Variants in EYS observed in about 807,000 individuals in gnomAD.
EYS encodes the protein protein eyes shut homolog.
EYS carries 250 observed loss-of-function variants against 282.1 expected under a neutral mutation model. The observed-to-expected ratio is 0.89, with a 90% CI of 0.80 to 0.98. EYS has a LOEUF of 0.98. Among genes scored for constraint, EYS ranks in the 50% least tolerant of loss-of-function variants. The probability of loss-of-function intolerance (pLI) is 0.00; values close to 1 mark genes in which losing one functional copy is unlikely to be tolerated. For synonymous variants in EYS, 1,355 were observed against 1,282.9 expected (o/e 1.06, Z -1.20); for missense variants, 4,016 against 3,709.0 (o/e 1.08, Z -2.15).
intron 12 of EYS, among the ~76,000 whole-genome samples, chr6:65,140,609 A>G (rs1764304256): frequency 6.6e-6 from 1 of 151,228 alleles, no homozygotes; most frequent in Admixed American, 6.6e-5. Context: ...AAGGGCTAAT[A>G]TCCAGAATCT....
At chr6:63,877,834 T>A (rs917450827) in intron 35 of EYS, among the ~76,000 whole-genome samples, 5 of 152,190 alleles carry the variant, frequency 3.3e-5, no homozygotes, top group African/African-American at 1.2e-4. Flanking sequence ...TCAATTAAGG[T>A]CTTCTCTACA....
At chr6:65,367,536 C>A (rs1764961303) in intron 8 of EYS, among the ~76,000 whole-genome samples, 1 of 151,516 alleles carries the variant, frequency 6.6e-6, no homozygotes, top group South Asian at 2.1e-4. Flanking sequence ...AATGTTTTAA[C>A]TATTCACAAG....
At chr6:65,398,650 C>T (rs1766379904) in intron 7 of EYS, among the ~76,000 whole-genome samples, 1 of 151,976 alleles carries the variant, frequency 6.6e-6, no homozygotes, top group Admixed American at 6.6e-5. Flanking sequence ...GGTTTCTGCA[C>T]AGCAAGTTTC....
At chr6:64,357,385 T>C (rs571110822) in intron 29 of EYS, among the ~76,000 whole-genome samples, 4 of 151,760 alleles carry the variant, frequency 2.6e-5, no homozygotes, top group African/African-American at 9.6e-5. Context: ...AGTTGATAGA[T>C]GACAAGTGAT....
At chr6:64,136,816 T>A (rs1014686160) in intron 31 of EYS, among the ~76,000 whole-genome samples, 4 of 152,150 alleles carry the variant, frequency 2.6e-5, no homozygotes, top group African/African-American at 4.8e-5. Flanking sequence ...AGATTTAATA[T>A]AACTCTTAAG....
intron 30 of EYS, among the ~76,000 whole-genome samples, chr6:64,268,082 AT>A (rs965394817): frequency 5.9e-5 from 9 of 151,530 alleles, no homozygotes; most frequent in South Asian, 4.2e-4. Context: ...TAATCACAGC[AT>A]TTTTTTTTCC....
intron 28 of EYS, among the ~76,000 whole-genome samples, chr6:64,396,813 T>C (rs902557450): frequency 6.6e-6 from 1 of 152,126 alleles, no homozygotes; most frequent in African/African-American, 2.4e-5. Context: ...GTCTTAAGAC[T>C]TACTCTAAAA....
chr6:65,654,999 AAAT>A (rs917047012), intron 1 of EYS, among the ~76,000 whole-genome samples: 4 of 149,434 alleles, frequency 2.7e-5, no homozygotes, highest in Admixed American at 6.7e-5. Context: ...AAAAAAAAAA[AAAT>A]GTTTGTCCAA....
intron 35 of EYS, among the ~76,000 whole-genome samples, chr6:63,918,467 G>A (rs995263191): frequency 6.6e-6 from 1 of 152,152 alleles, no homozygotes; most frequent in Non-Finnish European, 1.5e-5. Context: ...TAGACATTGT[G>A]TTACATGCTA....
chr6:65,332,665 GTTCTC>G (rs764512430), intron 11 of EYS, among the ~76,000 whole-genome samples: 10 of 151,356 alleles, frequency 6.6e-5, no homozygotes, highest in African/African-American at 2.2e-4. Context: ...GTTGGGAAAT[GTTCTC>G]TTCTCTTCTA....
At chr6:63,929,881 T>C (rs969898811) in intron 35 of EYS, among the ~76,000 whole-genome samples, 7 of 152,216 alleles carry the variant, frequency 4.6e-5, no homozygotes, top group Non-Finnish European at 8.8e-5. Context: ...GTTTAGTTCA[T>C]TTAAACTACT....
intron 22 of EYS, among the ~76,000 whole-genome samples, chr6:64,645,677 A>G (rs778490911): frequency 1.3e-5 from 2 of 148,470 alleles, no homozygotes; most frequent in Non-Finnish European, 3.0e-5. Flanking sequence ...CTTTTTAAAG[A>G]TGAATGTAAA....
chr6:64,224,496 A>G (rs1423698437), intron 31 of EYS, among the ~76,000 whole-genome samples: 1 of 152,094 alleles, frequency 6.6e-6, no homozygotes, highest in Non-Finnish European at 1.5e-5. Context: ...AGTCGATTCC[A>G]TATGTGCCCT....
chr6:64,021,933 C>A (rs989603978), intron 33 of EYS, among the ~76,000 whole-genome samples: 4 of 152,162 alleles, frequency 2.6e-5, no homozygotes, highest in African/African-American at 4.8e-5. Flanking sequence ...TGATACAAAG[C>A]GTTTCCCCAT....
intron 29 of EYS, among the ~76,000 whole-genome samples, chr6:64,357,838 T>A (rs1270281393): frequency 6.6e-6 from 1 of 151,538 alleles, no homozygotes. Flanking sequence ...CAGGTCAGAT[T>A]TTGCCCAAGA....
intron 11 of EYS, among the ~76,000 whole-genome samples, chr6:65,334,410 G>A (rs1182096270): frequency 6.6e-6 from 1 of 151,384 alleles, no homozygotes; most frequent in Non-Finnish European, 1.5e-5. Context: ...TAGGAGTACA[G>A]GTGTGCACAA....
chr6:64,757,930 G>A (rs1020024096), intron 22 of EYS, among the ~76,000 whole-genome samples: 41 of 152,012 alleles, frequency 2.7e-4, no homozygotes, highest in African/African-American at 7.7e-4. Context: ...GACTACAGGC[G>A]CCCGCCTAAG....
At chr6:63,841,760 G>A (rs577785824) in intron 36 of EYS, among the ~76,000 whole-genome samples, 125 of 151,820 alleles carry the variant, frequency 8.2e-4, no homozygotes, top group African/African-American at 2.9e-3. Flanking sequence ...CCCTCCCTTT[G>A]CCCCCCGCCA....
At chr6:65,509,622 G>A (rs1766788817) in intron 2 of EYS, among the ~76,000 whole-genome samples, 1 of 151,924 alleles carries the variant, frequency 6.6e-6, no homozygotes, top group South Asian at 2.1e-4. Context: ...CTCTATGCTA[G>A]GCATATGACT....
Sources: gnomAD v4.1 joint callset for allele counts (sites outside exome capture counted in the v4.1 genomes callset) on GRCh38, gnomAD v4.1.1 for gene constraint, MANE v1.5 for transcripts, NCBI Gene and HGNC (gene_info 2026-07-23, HGNC 2026-07-21) for gene names.